Variants in PAXBP1 observed in about 807,000 individuals in gnomAD.
PAXBP1 encodes PAX3 and PAX7 binding protein 1.
PAXBP1 carries 44 observed loss-of-function variants against 119.9 expected under a neutral mutation model. The observed-to-expected ratio is 0.37, with a 90% CI of 0.29 to 0.47. The LOEUF is 0.47. Among genes scored for constraint, PAXBP1 ranks in the 20% least tolerant of loss-of-function variants. PAXBP1 has a pLI of 0.99. For missense variants in PAXBP1, 898 were observed against 1,134.1 expected, an observed-to-expected ratio of 0.79 and a Z score of 2.99; for synonymous variants, 393 against 406.6, an observed-to-expected ratio of 0.97 and a Z score of 0.40.
intron 8 of PAXBP1, among the ~76,000 whole-genome samples, chr21:32,754,692 A>T (rs1052454201): frequency 3.3e-5 from 5 of 152,224 alleles, no homozygotes; most frequent in Non-Finnish European, 7.3e-5. Flanking sequence ...AGCAAACTAG[A>T]GAAACATTTA....
In PAXBP1 at chr21:32,771,742, C is replaced by G; in HGVS notation, c.-74G>C. On this transcript the variant is annotated 5_prime_UTR_variant, in exon 1 of 18. Coordinates refer to ENST00000331923, the MANE Select transcript of PAXBP1 (RefSeq NM_016631.4). Reference sequence around the variant, plus strand: ...CGGCAGCGCCGAGCTCGTGACGGCGCACGCGCGCTCTCCGGAGCTCCAGCC... The same window carrying G: ...CGGCAGCGCCGAGCTCGTGACGGCGGACGCGCGCTCTCCGGAGCTCCAGCC... 1.6e-6 allele frequency: 2 copies of G among 1,246,050 alleles called. No homozygotes were observed. The highest frequency in any genetic ancestry group is 2.1e-6 in the Non-Finnish European group (2 of 973,342). The allele number at this position is 1,246,050 out of a possible 1,614,324, so 77.2% of individuals were successfully genotyped here.
chr21:32,748,531 G>A lies in PAXBP1; in HGVS notation c.1891C>T (p.Arg631Ter). 2 of 1,613,980 alleles carry A rather than the reference G, an allele frequency of 1.2e-6. No individual in the cohort carries two copies. The highest frequency in any genetic ancestry group is 1.7e-6 in the Non-Finnish European group (2 of 1,179,918). Residue 631 changes from arginine to a stop codon, truncating the protein, a stop_gained, in exon 11 of 18, where the codon CGA (arginine) becomes TGA (stop). Transcript: ENST00000331923. LOFTEE classifies it high-confidence loss of function. Reference protein sequence around the residue: ...CLPKLFNPLIRLQLLTWTPLE... With the variant: ...CLPKLFNPLI ...GGAGTCCAAGTGAGGAGCTGAAGTC[G>A]TATGAGGGGGTTGAATAATTTTGGC...
At chr21:32,737,208 G>T in intron 17 of PAXBP1, 46 bp downstream of exon 17, 1 of 1,359,920 alleles carries the variant, frequency 7.4e-7, no homozygotes, top group Non-Finnish European at 9.8e-7. Context: ...ACTAAATCTG[G>T]CAACTAAACA....
chr21:32,745,060 G>A, intron 12 of PAXBP1, 147 bp from the exon 13 acceptor site: 1 of 859,384 alleles, frequency 1.2e-6, no homozygotes, highest in Non-Finnish European at 1.7e-6. Context: ...TATTAACTGT[G>A]GGAATTTGGA....
intron 13 of PAXBP1, among the ~76,000 whole-genome samples, chr21:32,744,277 G>GAAAAAAAAAAAAAAAAAAAAAAAA (rs1328463759): frequency 9.3e-6 from 1 of 107,272 alleles, no homozygotes; most frequent in Non-Finnish European, 2.0e-5. Context: ...AAAAAAAAAA[G>GAAAAAAAAAAAAAAAAAAAAAAAA]AAAAAAAAAA....
At chr21:32,766,103 C>A (rs978878210) in intron 2 of PAXBP1, among the ~76,000 whole-genome samples, 1 of 152,130 alleles carries the variant, frequency 6.6e-6, no homozygotes, top group Non-Finnish European at 1.5e-5. Context: ...CCACTGCACT[C>A]CAGCCTGAGC....
intron 6 of PAXBP1, 144 bp downstream of exon 6, chr21:32,759,633 T>G (rs2044104473): frequency 1.4e-6 from 1 of 736,712 alleles, no homozygotes. Flanking sequence ...CAGAACAAAG[T>G]ATGAAGTCAT....
At chr21:32,757,889 C>T (rs941364294) in intron 7 of PAXBP1, among the ~76,000 whole-genome samples, 2 of 152,204 alleles carry the variant, frequency 1.3e-5, no homozygotes, top group African/African-American at 2.4e-5. Flanking sequence ...ACTCCAGCTC[C>T]CGGCACAGAG....
intron 1 of PAXBP1, 96 bp downstream of exon 1, chr21:32,771,230 G>A (rs2044337674): frequency 2.6e-6 from 3 of 1,168,408 alleles, no homozygotes; most frequent in East Asian, 3.2e-5. Flanking sequence ...CCGTTCCAGG[G>A]CTCCGGGGCT....
intron 17 of PAXBP1, among the ~76,000 whole-genome samples, chr21:32,735,707 G>C (rs1055682406): frequency 6.6e-6 from 1 of 152,146 alleles, no homozygotes; most frequent in East Asian, 1.9e-4. Flanking sequence ...GTGGGGCCCC[G>C]AGAACTTGCA....
chr21:32,740,253 T>A (rs1216125223), intron 15 of PAXBP1, among the ~76,000 whole-genome samples: 1 of 152,146 alleles, frequency 6.6e-6, no homozygotes, highest in Non-Finnish European at 1.5e-5. Context: ...AAGTCCCCAA[T>A]GGGGGGGCCT....
At chr21:32,735,658 C>A (rs1369911762) in intron 17 of PAXBP1, among the ~76,000 whole-genome samples, 1 of 152,288 alleles carries the variant, frequency 6.6e-6, no homozygotes, top group African/African-American at 2.4e-5. Context: ...GCAGATCATC[C>A]CTGGCCCCAC....
intron 3 of PAXBP1, among the ~76,000 whole-genome samples, chr21:32,763,642 C>T (rs1486867354): frequency 1.3e-5 from 2 of 152,136 alleles, no homozygotes; most frequent in African/African-American, 2.4e-5. Flanking sequence ...AGTGGATAGA[C>T]CTGCAAACTA....
chr21:32,743,205 T>C (rs756879903), intron 15 of PAXBP1, 43 bp downstream of exon 15: 1 of 1,432,182 alleles, frequency 7.0e-7, no homozygotes, highest in Non-Finnish European at 9.6e-7. Context: ...ATATATGAAG[T>C]CAAACGAAAT....
intron 5 of PAXBP1, among the ~76,000 whole-genome samples, 157 bp downstream of exon 5, chr21:32,760,902 C>CGTGCGCGTGT (rs1491165069): frequency 1.2e-3 from 159 of 127,788 alleles, no homozygotes; most frequent in Middle Eastern, 4.0e-3. Flanking sequence ...TGCGTGCGTG[C>CGTGCGCGTGT]GTGTGTGTGT....
intron 12 of PAXBP1, 143 bp from the exon 13 acceptor site, chr21:32,745,056 CTG>C (rs2043852833): frequency 2.2e-6 from 2 of 898,534 alleles, no homozygotes; most frequent in South Asian, 1.9e-5. Context: ...GTCCTATTAA[CTG>C]TGGGAATTTG....
rs1220626390 is a variant in PAXBP1 at position 32,771,362 on chromosome 21, G to A, written c.307C>T (p.Arg103Trp). ...TCCTGGAAGCTGAGCAGGCTGGCCC[G>A]GGGCACCTCTTTGTTCTCGCGAGGC... ...KRPRENKEVP[R>W]ASLLSFQDEE... Residue 103 changes from arginine to tryptophan, a missense_variant, in exon 1 of 18, where the codon CGG becomes TGG. Transcript: ENST00000331923. 1.5e-5 allele frequency: 23 copies of A among 1,585,014 alleles called. No individual in the cohort carries two copies. The highest frequency in any genetic ancestry group is 2.8e-5 in the African/African-American group (2 of 72,710).
At chr21:32,745,827 A>G (rs2043863597) in intron 11 of PAXBP1, 109 bp from the exon 12 acceptor site, 2 of 1,367,896 alleles carry the variant, frequency 1.5e-6, no homozygotes, top group Non-Finnish European at 2.0e-6. Flanking sequence ...GCAAACAACT[A>G]AAAACTGGAC....
intron 2 of PAXBP1, 100 bp from the exon 3 acceptor site, chr21:32,764,624 A>G (rs2044209766): frequency 2.3e-6 from 2 of 880,020 alleles, no homozygotes; most frequent in South Asian, 2.2e-5. Context: ...TTTTAATTAA[A>G]AAAAGGGGAA....
Sources: gnomAD v4.1 joint callset for allele counts (sites outside exome capture counted in the v4.1 genomes callset) on GRCh38, gnomAD v4.1.1 for gene constraint, MANE v1.5 for transcripts, NCBI Gene and HGNC (gene_info 2026-07-23, HGNC 2026-07-21) for gene names.